Variants in PLEKHH2 observed in about 807,000 individuals in gnomAD.
PLEKHH2 encodes the protein pleckstrin homology domain-containing family H member 2.
A neutral mutation model predicts 187.9 loss-of-function variants in PLEKHH2; 129 were observed. The ratio of observed to expected loss-of-function variants is 0.69; its 90% CI spans 0.59 to 0.79. The LOEUF (loss-of-function observed/expected upper bound fraction) is 0.79. Ranked by LOEUF, PLEKHH2 falls within the 30% of genes least tolerant of loss-of-function variation. PLEKHH2 has a pLI of 0.00. For synonymous variants in PLEKHH2, 686 were observed against 605.6 expected, an observed-to-expected ratio of 1.13 and a Z score of -1.95; for missense variants, 2,076 against 1,751.2, an observed-to-expected ratio of 1.19 and a Z score of -3.31.
chr2:43,765,535 A>G lies in PLEKHH2; in HGVS notation c.4419A>G (p.Arg1473=), dbSNP rs1187431039. The change falls in exon 30 of 30, where the codon AGA becomes AGG. Residue 1473 remains arginine (R), a synonymous_variant. Transcript: ENST00000282406. ...CCCAGACCCGGGGACCCCAAGCCAG[A>G]ATGATGGGAAGCCAGCCTCTTCTGT... is the stretch of plus-strand genomic sequence containing the variant. ...LSAQTRGPQA[R]MMGSQPLLSS... is the part of the protein sequence containing the mutation. The G allele has an allele frequency of 6.2e-7, 1 of 1,613,998 alleles. No individual in the cohort carries two copies.
At chr2:43,683,441 CT>C (rs1177980891) in intron 3 of PLEKHH2, among the ~76,000 whole-genome samples, 1 of 150,990 alleles carries the variant, frequency 6.6e-6, no homozygotes, top group African/African-American at 2.4e-5. Context: ...GCCCGGCCCT[CT>C]TTTTTTTTGT....
intron 2 of PLEKHH2, among the ~76,000 whole-genome samples, chr2:43,677,203 GTT>G (rs201252535): frequency 6.8e-6 from 1 of 147,052 alleles, no homozygotes; most frequent in African/African-American, 2.5e-5. Context: ...GACTTTATGA[GTT>G]TTTTTTTTTT....
At chr2:43,727,612 T>C (rs1670829034) in intron 17 of PLEKHH2, among the ~76,000 whole-genome samples, 4 of 152,170 alleles carry the variant, frequency 2.6e-5, no homozygotes, top group Admixed American at 2.6e-4. Context: ...TAGATTATTA[T>C]TGTTACTATT....
chr2:43,653,775 G>T (rs1353222105), intron 2 of PLEKHH2, among the ~76,000 whole-genome samples: 1 of 152,150 alleles, frequency 6.6e-6, no homozygotes, highest in African/African-American at 2.4e-5. Context: ...GGAATTTGGA[G>T]TTGAATTATT....
At chr2:43,638,500 T>C (rs958182119) in intron 1 of PLEKHH2, among the ~76,000 whole-genome samples, 6 of 152,336 alleles carry the variant, frequency 3.9e-5, no homozygotes, top group Non-Finnish European at 7.3e-5. Context: ...AAACAGTTTA[T>C]CTTATGTCAG....
At chr2:43,683,451 G>C (rs1200632164) in intron 3 of PLEKHH2, among the ~76,000 whole-genome samples, 1 of 151,002 alleles carries the variant, frequency 6.6e-6, no homozygotes, top group Non-Finnish European at 1.5e-5. Context: ...CTTTTTTTTT[G>C]TTTTTAATAG....
intron 2 of PLEKHH2, chr2:43,675,592 T>C: frequency 6.2e-7 from 1 of 1,613,752 alleles, no homozygotes; most frequent in East Asian, 2.2e-5. Flanking sequence ...TGGTTTTGTA[T>C]TAAATACATC....
chr2:43,747,976 G>GTT (rs1285628454), intron 24 of PLEKHH2, among the ~76,000 whole-genome samples: 14 of 152,310 alleles, frequency 9.2e-5, no homozygotes, highest in African/African-American at 3.1e-4. Context: ...TCCTTGTCAT[G>GTT]TTTTTGTCAT....
chr2:43,647,284 T>C (rs1349419152), intron 2 of PLEKHH2, among the ~76,000 whole-genome samples: 1 of 152,218 alleles, frequency 6.6e-6, no homozygotes, highest in East Asian at 1.9e-4. Flanking sequence ...ATGAGGTAGT[T>C]ACTAATATTA....
chr2:43,642,619 A>G (rs964568927), intron 1 of PLEKHH2, among the ~76,000 whole-genome samples: 2 of 152,140 alleles, frequency 1.3e-5, no homozygotes, highest in Non-Finnish European at 2.9e-5. Context: ...CTCTATCAGG[A>G]TGAGGAAGTT....
At chr2:43,697,025 A>G (rs897124646) in intron 6 of PLEKHH2, 146 bp from the exon 7 acceptor site, 6 of 543,946 alleles carry the variant, frequency 1.1e-5, no homozygotes, top group East Asian at 3.1e-5. Context: ...TGAAGGTTCT[A>G]TGTTATTGTA....
intron 2 of PLEKHH2, among the ~76,000 whole-genome samples, chr2:43,654,979 C>T (rs976874429): frequency 3.3e-5 from 5 of 151,376 alleles, no homozygotes; most frequent in Admixed American, 1.3e-4. Context: ...GTGAGCCAGC[C>T]GAGATCATGC....
chr2:43,731,370 C>A lies in PLEKHH2; in HGVS notation c.2831-120C>A. On this transcript the variant is annotated intron_variant, in intron 18 of 29. Coordinates refer to ENST00000282406, the MANE Select transcript of PLEKHH2 (RefSeq NM_172069.4). ...TGTTGCCAAAGAGTTTTTTTCTGAC[C>A]TTTGTGACTTAAAGTTGTGAGCCAA... 3 of 658,402 alleles carry A rather than the reference C, an allele frequency of 4.6e-6. 1 individual carries two copies. In the South Asian group the frequency reaches 6.4e-5, roughly 14 times the overall value. The allele number at this position is 658,402 out of a possible 1,614,324, so 40.8% of individuals were successfully genotyped here.
chr2:43,639,650 C>CTTTTTTTT (rs869116400), intron 1 of PLEKHH2, among the ~76,000 whole-genome samples: 5 of 99,226 alleles, frequency 5.0e-5, no homozygotes, highest in East Asian at 2.8e-4. Flanking sequence ...GGATGTACCA[C>CTTTTTTTT]TTTTTTTTTT....
intron 19 of PLEKHH2, among the ~76,000 whole-genome samples, chr2:43,736,562 C>T (rs377480476): frequency 1.1e-4 from 17 of 151,990 alleles, no homozygotes; most frequent in South Asian, 4.2e-4. Flanking sequence ...TGATCGGGCG[C>T]GGTGGCTCAC....
At chr2:43,677,804 C>T (rs1667903455) in intron 2 of PLEKHH2, among the ~76,000 whole-genome samples, 1 of 149,538 alleles carries the variant, frequency 6.7e-6, no homozygotes, top group Admixed American at 6.6e-5. Context: ...ACCTCCCGCA[C>T]CGGGCAGCTG....
intron 1 of PLEKHH2, among the ~76,000 whole-genome samples, chr2:43,639,370 AG>A (rs1176175828): frequency 1.8e-4 from 28 of 152,164 alleles, no homozygotes; most frequent in African/African-American, 6.3e-4. Flanking sequence ...ATCTAATTCT[AG>A]AATATTTTCA....
rs899747144 is a variant in PLEKHH2 at position 43,742,788 on chromosome 2, G to C, written c.3269G>C (p.Arg1090Thr). ...YAIYCQRCVE[R>T]TQQNGDREAR... Reference sequence around the variant, plus strand: ...ATTTACTGCCAGCGTTGTGTAGAAAGAACGCAACAAAATGGTGACAGAGAA... The same window carrying C: ...ATTTACTGCCAGCGTTGTGTAGAAACAACGCAACAAAATGGTGACAGAGAA... The change falls in exon 22 of 30, where the codon AGA becomes ACA. Residue 1090 changes from arginine (R) to threonine (T), a missense_variant. Coordinates refer to ENST00000282406, the MANE Select transcript of PLEKHH2 (RefSeq NM_172069.4). The C allele has an allele frequency of 1.2e-6, 2 of 1,605,186 alleles. No homozygotes were observed. Among genetic ancestry groups the C allele is most frequent in the Non-Finnish European group, 1.7e-6 (2 of 1,176,910 alleles).
intron 3 of PLEKHH2, chr2:43,681,475 C>T (rs1668181246): frequency 6.5e-7 from 1 of 1,546,094 alleles, no homozygotes; most frequent in East Asian, 2.4e-5. Flanking sequence ...CCTTTTCCAT[C>T]ATCTTCTCTT....
Sources: gnomAD v4.1 joint callset for allele counts (sites outside exome capture counted in the v4.1 genomes callset) on GRCh38, gnomAD v4.1.1 for gene constraint, MANE v1.5 for transcripts, NCBI Gene and HGNC (gene_info 2026-07-23, HGNC 2026-07-21) for gene names.